MYOM1: variants seen among roughly 807,000 people sequenced by gnomAD.
MYOM1 encodes myomesin-1.
A neutral mutation model predicts 205.3 loss-of-function variants in MYOM1; 164 were observed. The ratio of observed to expected loss-of-function variants is 0.80; its 90% CI spans 0.70 to 0.91. The LOEUF is 0.91. Ranked by LOEUF, MYOM1 falls within the 40% of genes least tolerant of loss-of-function variation. The probability of loss-of-function intolerance (pLI) is 0.00; values close to 1 mark genes in which losing one functional copy is unlikely to be tolerated. For missense variants in MYOM1, 2,011 were observed against 2,127.3 expected (o/e 0.95, Z 1.08); for synonymous variants, 772 against 789.4 (o/e 0.98, Z 0.37).
At chr18:3,198,625 A>C (rs1484901297) in intron 2 of MYOM1, among the ~76,000 whole-genome samples, 2 of 152,046 alleles carry the variant, frequency 1.3e-5, no homozygotes, top group Admixed American at 6.5e-5. Flanking sequence ...CTCTACTAAA[A>C]ATACAAAACT....
Position 3,102,480 on chromosome 18 carries a change from C to T in MYOM1, c.3569G>A (p.Gly1190Asp), listed in dbSNP as rs778549318. The change falls in exon 23 of 38, where the codon GGC becomes GAC. Residue 1190 changes from glycine to aspartate, a missense_variant. Physicochemically the swap from Gly to Asp is moderately conservative, Grantham distance 94. Coordinates refer to ENST00000356443, the MANE Select transcript of MYOM1 (RefSeq NM_003803.4). ...TGATTGACATAGTCCTTACTTGTTG[C>T]CCTTGCTTTCGACTTCCAATCGTGG... ...DSPRLEVESK[G>D]NKTKMTFKDL... 1.1e-5 allele frequency: 18 copies of T among 1,610,860 alleles called. No homozygotes were observed. In the South Asian group the frequency reaches 1.8e-4, roughly 16 times the overall value.
At chr18:3,095,676 ACTG>A (rs1254391190) in intron 25 of MYOM1, among the ~76,000 whole-genome samples, 2 of 152,194 alleles carry the variant, frequency 1.3e-5, no homozygotes, top group Non-Finnish European at 2.9e-5. Flanking sequence ...CCCTCACTTT[ACTG>A]GTCTCTTTAC....
chr18:3,200,528 A>T (rs1298620964), intron 2 of MYOM1, among the ~76,000 whole-genome samples: 1 of 152,202 alleles, frequency 6.6e-6, no homozygotes, highest in Non-Finnish European at 1.5e-5. Context: ...AGAGAATGTC[A>T]ACAAAGAAAT....
At chr18:3,178,167 A>G (rs2080676610) in intron 5 of MYOM1, among the ~76,000 whole-genome samples, 3 of 152,244 alleles carry the variant, frequency 2.0e-5, no homozygotes, top group Non-Finnish European at 2.9e-5. Flanking sequence ...CGCACAGATG[A>G]CGTCAATAAC....
chr18:3,132,173 A>G (rs2079888357), intron 16 of MYOM1, among the ~76,000 whole-genome samples: 1 of 149,196 alleles, frequency 6.7e-6, no homozygotes, highest in Non-Finnish European at 1.5e-5. Flanking sequence ...ATATTTTGAG[A>G]CGGAGTCTCG....
At chr18:3,241,154 C>T in the MYOM1 span, among the ~76,000 whole-genome samples, 102 of 152,230 alleles carry the variant, frequency 6.7e-4, no homozygotes, top group African/African-American at 1.4e-3. Context: ...AAATTTAAGC[C>T]GGTTGCAGAA....
chr18:3,246,588 C>A, the MYOM1 span: 1 of 152,314 alleles, frequency 6.6e-6, no homozygotes, highest in East Asian at 1.9e-4. Flanking sequence ...ATACACGGAA[C>A]GTTCCCGAGA....
chr18:3,191,353 C>T lies in MYOM1; in HGVS notation c.432-2266G>A, dbSNP rs569964382. Among the ~76,000 whole-genome samples, 20 of 152,284 alleles carry T rather than the reference C, an allele frequency of 1.3e-4. No individual in the cohort carries two copies. The East Asian group carries it at 3.3e-3, about 25-fold the overall frequency. ...ATGTCCACTGCATTCGCCAGGCCTA[C>T]GTGGGACTTTCAATTCTTTACCTCC... On this transcript the variant is annotated intron_variant, in intron 3 of 37. Transcript: ENST00000356443.
intron 4 of MYOM1, among the ~76,000 whole-genome samples, chr18:3,188,167 C>T (rs2080848501): frequency 6.6e-6 from 1 of 152,122 alleles, no homozygotes; most frequent in African/African-American, 2.4e-5. Context: ...AGGTGGATTT[C>T]TTAAGGCTCT....
chr18:3,141,074 C>T (rs574399456), intron 14 of MYOM1, among the ~76,000 whole-genome samples: 2 of 152,208 alleles, frequency 1.3e-5, no homozygotes, highest in East Asian at 1.9e-4. Flanking sequence ...CTTTAAATGT[C>T]GTTTTCCAGT....
At chr18:3,142,440 AT>A (rs2080064610) in intron 13 of MYOM1, among the ~76,000 whole-genome samples, 2 of 151,768 alleles carry the variant, frequency 1.3e-5, no homozygotes, top group Admixed American at 1.3e-4. Flanking sequence ...TCAAAAAAAA[AT>A]ATTTTTTTTT....
chr18:3,099,801 T>C (rs2079354060), intron 25 of MYOM1, among the ~76,000 whole-genome samples: 1 of 152,206 alleles, frequency 6.6e-6, no homozygotes, highest in Non-Finnish European at 1.5e-5. Context: ...AAAAGATTAG[T>C]TTGCATAAAG....
chr18:3,165,345 G>A (rs2080452346), intron 9 of MYOM1, among the ~76,000 whole-genome samples: 1 of 152,148 alleles, frequency 6.6e-6, no homozygotes, highest in Admixed American at 6.5e-5. Context: ...GACACTACAA[G>A]CCGAACATGA....
chr18:3,228,578 T>A, the MYOM1 span, among the ~76,000 whole-genome samples: 2 of 152,160 alleles, frequency 1.3e-5, no homozygotes, highest in Non-Finnish European at 2.9e-5. This position sits in a 1 kb window ranked among gnomAD's most constrained non-coding sequence, Gnocchi z 4.5. Flanking sequence ...CAGTTTCAAT[T>A]CATTTCGAAT....
In MYOM1 at chr18:3,089,613, A is replaced by G. The variant is rs17183833; in HGVS notation, c.4010-17T>C. Reference sequence around the variant, plus strand: ...TTTTGAAAACTACAAATTGAAAAACAAGGAAGTGTGAAATTGAGTTGGGTG... The same window carrying G: ...TTTTGAAAACTACAAATTGAAAAACGAGGAAGTGTGAAATTGAGTTGGGTG... On this transcript the variant is annotated splice_polypyrimidine_tract_variant and intron_variant, in intron 27 of 37. Transcript: ENST00000356443. The G allele has an allele frequency of 2.8e-3, 4,439 of 1,599,970 alleles. 98 individuals carry two copies. In the African/African-American group the frequency reaches 0.047, roughly 17 times the overall value.
Position 3,116,391 on chromosome 18 carries a change from C to A in MYOM1, c.3243G>T (p.Lys1081Asn). The stretch of plus-strand genomic sequence containing the variant: ...GCCCTCGCCACTGGTCTTCTTTGGC[C>A]TTGGCCTCCTTCAAGTCCACGAAGT... ...TGYFVDLKEA[K>N]AKEDQWRGLN... is the part of the protein sequence containing the mutation. Residue 1081 changes from lysine to asparagine, a missense_variant, in exon 21 of 38, where the codon AAG (lysine) becomes AAT (asparagine). Transcript: ENST00000356443. 6.2e-7 allele frequency: 1 copy of A among 1,613,542 alleles called. No individual in the cohort carries two copies. Among genetic ancestry groups the A allele is most frequent in the Admixed American group, 1.7e-5 (1 of 59,984 alleles).
At chr18:3,185,258 G>A (rs2080794139) in intron 5 of MYOM1, among the ~76,000 whole-genome samples, 1 of 152,146 alleles carries the variant, frequency 6.6e-6, no homozygotes, top group African/African-American at 2.4e-5. Flanking sequence ...TCCAGTTGCT[G>A]TGTACTTAAC....
chr18:3,230,177 C>T, the MYOM1 span, among the ~76,000 whole-genome samples: 2 of 151,996 alleles, frequency 1.3e-5, no homozygotes, highest in African/African-American at 4.8e-5. Flanking sequence ...TATTTGAGAC[C>T]TATTGTGTGC....
At chr18:3,234,959 A>G in the MYOM1 span, among the ~76,000 whole-genome samples, 20,817 of 150,476 alleles carry the variant, frequency 0.14, 2,072 homozygotes, top group African/African-American at 0.28. Flanking sequence ...TTCACGCTGG[A>G]TTGCCCAGGC....
Sources: allele counts gnomAD v4.1 joint callset (sites outside exome capture counted in the v4.1 genomes callset), GRCh38; gene constraint gnomAD v4.1.1; non-coding constraint Gnocchi (gnomAD v3.1); transcripts MANE v1.5; gene names NCBI Gene and HGNC (gene_info 2026-07-23, HGNC 2026-07-21).